CPT1A: variants seen among roughly 807,000 people sequenced by gnomAD.
CPT1A encodes carnitine O-palmitoyltransferase 1, liver isoform.
CPT1A carries 64 observed loss-of-function variants against 100.8 expected under a neutral mutation model. The observed-to-expected ratio is 0.63, with a 90% CI of 0.52 to 0.78. CPT1A has a LOEUF of 0.78. Among genes scored for constraint, CPT1A ranks in the 30% least tolerant of loss-of-function variants. The pLI is 0.00. For missense variants in CPT1A, 802 were observed against 1,034.1 expected (o/e 0.78, Z 3.08); for synonymous variants, 363 against 396.0 (o/e 0.92, Z 0.99).
chr11:68,838,023 G>A lies in CPT1A; in HGVS notation c.-14+3752C>T, dbSNP rs1346457096. Reference sequence around the variant, plus strand: ...TGCAGGCTGGCTCTCCGGCTCCTGGGCTGGGTACCACAAACCACCCGCATC... The same window carrying A: ...TGCAGGCTGGCTCTCCGGCTCCTGGACTGGGTACCACAAACCACCCGCATC... On this transcript the variant is annotated intron_variant, in intron 1 of 18. Transcript: ENST00000265641. Among the ~76,000 whole-genome samples, 3 of 152,170 alleles carry A rather than the reference G, an allele frequency of 2.0e-5. 1 individual carries two copies. Among genetic ancestry groups the A allele is most frequent in the African/African-American group, 7.2e-5 (3 of 41,514 alleles).
At chr11:68,796,995 C>A in intron 6 of CPT1A, 62 bp from the exon 7 acceptor site, 1 of 1,554,636 alleles carries the variant, frequency 6.4e-7, no homozygotes, top group South Asian at 1.1e-5. Context: ...GGCTCCCTGG[C>A]AGCAGCCCAG....
intron 9 of CPT1A, among the ~76,000 whole-genome samples, chr11:68,792,383 A>G (rs1042900377): frequency 6.6e-6 from 1 of 152,146 alleles, no homozygotes. Flanking sequence ...GGCCCTTTCC[A>G]GCCAGCTTCC....
chr11:68,773,229 G>A lies in CPT1A; in HGVS notation c.1740+36C>T, dbSNP rs761325735. On this transcript the variant is annotated intron_variant, in intron 14 of 18. Transcript: ENST00000265641. ...TTGGGCAGGTGTAGGAACCCCCAAA[G>A]TGCTCACGACAAAACCCTAGGCGGT... 12 of 1,612,218 alleles carry A rather than the reference G, an allele frequency of 7.4e-6. No homozygotes were observed. The African/African-American group carries it at 1.6e-4, about 22-fold the overall frequency.
intron 3 of CPT1A, among the ~76,000 whole-genome samples, chr11:68,810,488 T>C (rs1856170856): frequency 6.6e-6 from 1 of 152,158 alleles, no homozygotes; most frequent in South Asian, 2.1e-4. Context: ...TGAGCCAGCG[T>C]TCCTGAGCTA....
At chr11:68,791,042 T>C (rs1321660381) in intron 9 of CPT1A, among the ~76,000 whole-genome samples, 1 of 152,172 alleles carries the variant, frequency 6.6e-6, no homozygotes, top group African/African-American at 2.4e-5. Context: ...CAGGCTGGTG[T>C]CGAACTCCTG....
chr11:68,775,264 A>G, intron 13 of CPT1A, 52 bp downstream of exon 13: 1 of 1,429,270 alleles, frequency 7.0e-7, no homozygotes, highest in East Asian at 2.3e-5. Flanking sequence ...TAAGACTTCA[A>G]ATGTGTTTCC....
chr11:68,757,838 GC>G, intron 18 of CPT1A, 108 bp from the exon 19 acceptor site: 1 of 945,950 alleles, frequency 1.1e-6, no homozygotes, highest in South Asian at 1.3e-5. Flanking sequence ...ATTCCTTTCT[GC>G]CAGTTCTCTA....
At position 68,796,840 on chromosome 11, in the gene CPT1A, G is replaced by T; in HGVS notation, c.771+16C>A. 6.2e-7 allele frequency: 1 copy of T among 1,612,964 alleles called. No homozygotes were observed. The highest frequency in any genetic ancestry group is 1.1e-5 in the South Asian group (1 of 90,932). On this transcript the variant is annotated intron_variant, in intron 7 of 18. Coordinates refer to ENST00000265641, the MANE Select transcript of CPT1A (RefSeq NM_001876.4). ...CACCGTCCTCGTCAGACAGCAGCCC[G>T]GGCGGGTGGACTCACCATGGCATAA...
intron 1 of CPT1A, among the ~76,000 whole-genome samples, chr11:68,830,990 A>G (rs1032900218): frequency 6.6e-6 from 1 of 152,178 alleles, no homozygotes; most frequent in African/African-American, 2.4e-5. Context: ...ATGCTACATC[A>G]ACAATCGTGG....
In CPT1A at chr11:68,757,648, T is replaced by A; in HGVS notation, c.2318A>T (p.Lys773Met). The change falls in exon 19 of 19, where the codon AAG (lysine) becomes ATG (methionine). Residue 773 changes from lysine (K) to methionine (M), a missense_variant. This residue lies in a region of CPT1A where 627 missense variants were observed against 799.3 expected (regional missense o/e 0.78). Transcript: ENST00000265641. ...TTCCCAGCAGCTCCAGTGGAATTAC[T>A]TTTTGGAATTAGAACTGAGACCAAA... ...TLFGLSSNSK[K>M] is the part of the protein sequence containing the mutation. 6.2e-7 allele frequency: 1 copy of A among 1,614,154 alleles called. No individual in the cohort carries two copies. The highest frequency in any genetic ancestry group is 8.5e-7 in the Non-Finnish European group (1 of 1,179,994).
intron 12 of CPT1A, among the ~76,000 whole-genome samples, 160 bp from the exon 13 acceptor site, chr11:68,775,592 A>C (rs1485331841): frequency 6.6e-6 from 1 of 152,200 alleles, no homozygotes; most frequent in Non-Finnish European, 1.5e-5. Context: ...GGTGGATCTG[A>C]TCTCCATGTC....
In CPT1A at chr11:68,812,439, C is replaced by T. The variant is rs375467139; in HGVS notation, c.279G>A (p.Thr93=). 11 of 1,614,178 alleles carry T rather than the reference C, an allele frequency of 6.8e-6. No individual in the cohort carries two copies. The highest frequency in any genetic ancestry group is 4.4e-5 in the South Asian group (4 of 91,078). ...IIAKINRTLE[T]ANCMSSQTKN... ...GGAGATTTCACAGGATTACTTACGC[C>T]GTTTCCAGAGTCCGATTGATTTTTG... The change falls in exon 3 of 19, where the codon ACG becomes ACA. Residue 93 remains threonine (T), a splice_region_variant and synonymous_variant. Transcript: ENST00000265641.
At chr11:68,788,630 T>TTAAAAAAAAAA (rs746681111) in intron 9 of CPT1A, among the ~76,000 whole-genome samples, 3 of 27,548 alleles carry the variant, frequency 1.1e-4, no homozygotes, top group Admixed American at 5.6e-4. Context: ...CAAACAAAAG[T>TTAAAAAAAAAA]AAAAAAAAAA....
At chr11:68,774,739 G>A (rs970318615) in intron 13 of CPT1A, among the ~76,000 whole-genome samples, 15 of 143,830 alleles carry the variant, frequency 1.0e-4, no homozygotes, top group African/African-American at 3.9e-4. Flanking sequence ...CTGAGATCGC[G>A]CCATTGCACT....
chr11:68,758,260 CCTGT>C (rs35232106), intron 18 of CPT1A, among the ~76,000 whole-genome samples: 78,527 of 151,644 alleles, frequency 0.52, 21,429 homozygotes, highest in East Asian at 0.75. Context: ...AGAGTGAGAC[CCTGT>C]CTAAAACAAA....
At chr11:68,778,287 C>T (rs1374420052) in intron 12 of CPT1A, among the ~76,000 whole-genome samples, 1 of 151,962 alleles carries the variant, frequency 6.6e-6, no homozygotes, top group Non-Finnish European at 1.5e-5. Context: ...CAGCTGAGAC[C>T]TAAGGAAGAC....
At chr11:68,817,594 A>C (rs1360058347) in intron 1 of CPT1A, among the ~76,000 whole-genome samples, 1 of 151,988 alleles carries the variant, frequency 6.6e-6, no homozygotes, top group African/African-American at 2.4e-5. Context: ...TGGGAAGAGC[A>C]GGCAAGAGCT....
chr11:68,787,530 A>G (rs570925904), intron 9 of CPT1A, among the ~76,000 whole-genome samples: 1 of 151,846 alleles, frequency 6.6e-6, no homozygotes, highest in African/African-American at 2.4e-5. Context: ...GTGTCCCCCC[A>G]TTCATATATT....
chr11:68,813,529 CAAAAAAAAAAAA>C (rs10590789), intron 2 of CPT1A, among the ~76,000 whole-genome samples: 6 of 81,514 alleles, frequency 7.4e-5, no homozygotes, highest in African/African-American at 2.9e-4. Flanking sequence ...AGGCTCTGTC[CAAAAAAAAAAAA>C]AAAAAAAAAA....
Sources: allele counts gnomAD v4.1 joint callset (sites outside exome capture counted in the v4.1 genomes callset), GRCh38; gene constraint gnomAD v4.1.1; regional missense constraint gnomAD v4.1.1; transcripts MANE v1.5; gene names NCBI Gene and HGNC (gene_info 2026-07-23, HGNC 2026-07-21).